PRKAR1A: variants seen among roughly 807,000 people sequenced by gnomAD.
PRKAR1A encodes protein kinase cAMP-dependent type I regulatory subunit alpha.
Under a neutral mutation model 52.0 loss-of-function variants are expected in PRKAR1A, and 3 were observed. The ratio of observed to expected loss-of-function variants is 0.06; its 90% confidence interval spans 0.03 to 0.15. The LOEUF is 0.15. Ranked by LOEUF, PRKAR1A falls within the 10% of genes least tolerant of loss-of-function variation. The pLI is 1.00. For missense variants in PRKAR1A, 240 were observed against 477.4 expected (o/e 0.50, Z 4.63); for synonymous variants, 188 against 168.4 (o/e 1.12, Z -0.90).
At chr17:68,489,466 T>A in the PRKAR1A span, among the ~76,000 whole-genome samples, 34 of 140,660 alleles carry the variant, frequency 2.4e-4, no homozygotes, top group East Asian at 6.0e-4. Context: ...ATGGAAAAAA[T>A]ATATATATAT....
Position 68,531,024 on chromosome 17 carries a change from A to C in PRKAR1A, c.*575A>C, listed in dbSNP as rs1166223784. 2 of 1,057,134 alleles carry C rather than the reference A, an allele frequency of 1.9e-6. No homozygotes were observed. The highest frequency in any genetic ancestry group is 9.1e-5 in the South Asian group (2 of 22,010). The allele number at this position is 1,057,134 out of a possible 1,614,324, so 65.5% of individuals were successfully genotyped here. ...ATTATCAATGGGATATGATTGGTTCAGTTTTTTTTTTTCCAGAGTTGTTGT... is the reference window on the plus strand; with the variant it reads ...ATTATCAATGGGATATGATTGGTTCCGTTTTTTTTTTTCCAGAGTTGTTGT... On this transcript the variant is annotated 3_prime_UTR_variant, in exon 11 of 11. Transcript: ENST00000589228.
At chr17:68,541,505 C>G (rs1262249213) in intron 11 of PRKAR1A, 1 of 186,348 alleles carries the variant, frequency 5.4e-6, no homozygotes, top group Non-Finnish European at 1.1e-5. Context: ...ACTGATGGAT[C>G]GATTCACTCA....
chr17:68,517,477 A>G (rs989164699), intron 2 of PRKAR1A, among the ~76,000 whole-genome samples: 7 of 152,246 alleles, frequency 4.6e-5, no homozygotes, highest in Non-Finnish European at 8.8e-5. Flanking sequence ...AAGCAAACCC[A>G]TCCTCTTCAC....
At chr17:68,486,028 C>A in the PRKAR1A span, among the ~76,000 whole-genome samples, 1 of 152,100 alleles carries the variant, frequency 6.6e-6, no homozygotes, top group Non-Finnish European at 1.5e-5. Context: ...CGTGAGCCAT[C>A]GTGCCCAGCC....
chr17:68,426,087 A>G, the PRKAR1A span: 3 of 1,612,694 alleles, frequency 1.9e-6, no homozygotes, highest in African/African-American at 4.0e-5. Context: ...GAGGAAACTC[A>G]TTCTCATCAT....
intron 8 of PRKAR1A, 124 bp downstream of exon 8, chr17:68,528,024 G>A (rs755250113): frequency 2.4e-6 from 2 of 825,356 alleles, no homozygotes; most frequent in South Asian, 1.4e-5. Context: ...AGACAGAAGG[G>A]CTGAAAGTCC....
At chr17:68,422,500 G>A in the PRKAR1A span, 1 of 150,610 alleles carries the variant, frequency 6.6e-6, no homozygotes, top group African/African-American at 2.4e-5. Flanking sequence ...AGGAGGCTGA[G>A]GGGGGTGATC....
intron 7 of PRKAR1A, among the ~76,000 whole-genome samples, chr17:68,526,231 C>T (rs996048251): frequency 5.9e-5 from 9 of 152,272 alleles, no homozygotes; most frequent in Non-Finnish European, 1.0e-4. Flanking sequence ...TAGTTATACC[C>T]ATTACAGCAT....
upstream of PRKAR1A, chr17:68,512,078 C>T: frequency 6.5e-6 from 1 of 153,722 alleles, no homozygotes; most frequent in Non-Finnish European, 1.4e-5. Flanking sequence ...ACGATAGCTG[C>T]GCGGAGAGAG....
At chr17:68,426,248 G>T in the PRKAR1A span, 2 of 832,022 alleles carry the variant, frequency 2.4e-6, no homozygotes, top group Non-Finnish European at 3.7e-6. Flanking sequence ...CGGGTGGGGA[G>T]CGGGGGCTCA....
the PRKAR1A span, among the ~76,000 whole-genome samples, chr17:68,464,301 T>C: frequency 2.0e-5 from 3 of 152,186 alleles, no homozygotes; most frequent in African/African-American, 7.2e-5. Flanking sequence ...CTGACCTGAT[T>C]CCTGTTTCTT....
At chr17:68,430,812 C>A in the PRKAR1A span, among the ~76,000 whole-genome samples, 1 of 152,186 alleles carries the variant, frequency 6.6e-6, no homozygotes, top group African/African-American at 2.4e-5. Context: ...CAGAGGGTGG[C>A]ACATTGAGAA....
At chr17:68,513,130 GC>G (rs67614641) in intron 1 of PRKAR1A, 108,804 of 152,254 alleles carry the variant, frequency 0.71, 39,315 homozygotes, top group East Asian at 0.9. Context: ...TCCCAATTTT[GC>G]CCCCCTGAGG....
the PRKAR1A span, among the ~76,000 whole-genome samples, chr17:68,460,242 C>G: frequency 1.3e-5 from 2 of 152,076 alleles, no homozygotes; most frequent in African/African-American, 2.4e-5. Context: ...CTACTTTATT[C>G]TCAGTAGAGT....
At chr17:68,523,041 C>T (rs1333844759) in intron 3 of PRKAR1A, 115 bp downstream of exon 3, 2 of 1,277,754 alleles carry the variant, frequency 1.6e-6, no homozygotes, top group Admixed American at 2.1e-5. Context: ...TTCATCCATC[C>T]TGTACAATTC....
chr17:68,499,391 AGAGAGAGAGAGAGAGG>A, the PRKAR1A span, among the ~76,000 whole-genome samples: 2 of 150,946 alleles, frequency 1.3e-5, no homozygotes, highest in African/African-American at 5.0e-5. Context: ...AGAGAGAGAG[AGAGAGAGAGAGAGAGG>A]AGGGATATAA....
the PRKAR1A span, chr17:68,413,961 T>C: frequency 0.021 from 3,203 of 155,118 alleles, 123 homozygotes; most frequent in African/African-American, 0.072. Flanking sequence ...CAATGCCTCG[T>C]CCTGCTTCGG....
At chr17:68,446,424 C>T in the PRKAR1A span, among the ~76,000 whole-genome samples, 2 of 152,106 alleles carry the variant, frequency 1.3e-5, no homozygotes, top group Non-Finnish European at 2.9e-5. Flanking sequence ...TCAAGAGCTC[C>T]TCCTGCCTCG....
chr17:68,423,216 A>G, the PRKAR1A span, among the ~76,000 whole-genome samples: 2 of 152,232 alleles, frequency 1.3e-5, no homozygotes, highest in African/African-American at 4.8e-5. The surrounding 1 kb of genome is among the most constrained non-coding windows in gnomAD (Gnocchi z 4.4). Context: ...TGCAATAGGC[A>G]TGACAATTCA....
Sources: gnomAD v4.1 joint callset for allele counts (sites outside exome capture counted in the v4.1 genomes callset) on GRCh38, gnomAD v4.1.1 for gene constraint, Gnocchi (gnomAD v3.1) non-coding constraint, MANE v1.5 for transcripts, NCBI Gene and HGNC (gene_info 2026-07-23, HGNC 2026-07-21) for gene names.